The following BMPR2 variants were observed in gnomAD, a reference collection of about 807,000 sequenced individuals.
BMPR2 encodes the protein bone morphogenetic protein receptor type-2.
A neutral mutation model predicts 100.8 loss-of-function variants in BMPR2; 29 were observed. That is an observed-to-expected ratio of 0.29 (90% CI 0.21 to 0.39). BMPR2 has a LOEUF of 0.39. Ranked by LOEUF, BMPR2 falls within the 10% of genes least tolerant of loss-of-function variation. The pLI is 1.00. For missense variants in BMPR2, 1,011 were observed against 1,274.5 expected (o/e 0.79, Z 3.15); for synonymous variants, 382 against 442.3 (o/e 0.86, Z 1.71).
intron 5 of BMPR2, among the ~76,000 whole-genome samples, chr2:202,517,335 CTTTTT>C (rs527237940): frequency 7.4e-6 from 1 of 135,404 alleles, no homozygotes. Context: ...GTTATTTTAT[CTTTTT>C]TTTTTTTTTT....
chr2:202,538,183 G>T, intron 9 of BMPR2, among the ~76,000 whole-genome samples: 1 of 152,144 alleles, frequency 6.6e-6, no homozygotes, highest in East Asian at 1.9e-4. Context: ...GCCGGGCACG[G>T]TGGCTCAGGC....
chr2:202,477,423 T>G (rs1270644792), intron 3 of BMPR2, among the ~76,000 whole-genome samples: 1 of 152,156 alleles, frequency 6.6e-6, no homozygotes, highest in Non-Finnish European at 1.5e-5. Flanking sequence ...CTATGATATT[T>G]GTTGTTTCCT....
chr2:202,407,920 G>A (rs1315587832), intron 1 of BMPR2, among the ~76,000 whole-genome samples: 3 of 149,620 alleles, frequency 2.0e-5, no homozygotes, highest in African/African-American at 7.4e-5. Context: ...TGCAAGCTCC[G>A]CCTCCCAGGT....
chr2:202,550,481 G>T (rs186074046), intron 10 of BMPR2, among the ~76,000 whole-genome samples: 37 of 151,752 alleles, frequency 2.4e-4, no homozygotes, highest in African/African-American at 8.5e-4. Context: ...GCCTTCCAAA[G>T]TCCTGGGATT....
chr2:202,512,193 A>G (rs1054569360), intron 3 of BMPR2, among the ~76,000 whole-genome samples: 7 of 152,222 alleles, frequency 4.6e-5, no homozygotes, highest in African/African-American at 7.2e-5. Flanking sequence ...AGGAATGCCC[A>G]TTAGAGGAAC....
intron 7 of BMPR2, among the ~76,000 whole-genome samples, chr2:202,528,226 C>T (rs544766637): frequency 1.4e-4 from 21 of 152,290 alleles, no homozygotes; most frequent in Non-Finnish European, 2.2e-4. Flanking sequence ...CTCGCTCTGT[C>T]GCCCAGGCTG....
intron 1 of BMPR2, among the ~76,000 whole-genome samples, chr2:202,420,311 G>A (rs1691231010): frequency 1.3e-5 from 2 of 151,826 alleles, no homozygotes; most frequent in South Asian, 4.2e-4. Context: ...AATTAAACTT[G>A]AGAATATCCT....
chr2:202,498,288 C>CGGTAA (rs1287293660), intron 3 of BMPR2, among the ~76,000 whole-genome samples: 1 of 152,226 alleles, frequency 6.6e-6, no homozygotes, highest in Non-Finnish European at 1.5e-5. Context: ...AAGAATGCGT[C>CGGTAA]GGTAAGGACC....
chr2:202,425,120 G>T (rs10197863), intron 1 of BMPR2, among the ~76,000 whole-genome samples: 1 of 151,942 alleles, frequency 6.6e-6, no homozygotes, highest in Admixed American at 6.6e-5. Context: ...CACCATATTG[G>T]TCAGGCTAGT....
intron 3 of BMPR2, among the ~76,000 whole-genome samples, chr2:202,507,768 C>T (rs570639649): frequency 3.3e-5 from 5 of 151,020 alleles, no homozygotes; most frequent in East Asian, 2.0e-4. Context: ...GGCGCCATCT[C>T]GGCTCACTGC....
At chr2:202,538,461 A>AG (rs1351472328) in intron 9 of BMPR2, among the ~76,000 whole-genome samples, 1 of 151,608 alleles carries the variant, frequency 6.6e-6, no homozygotes, top group Non-Finnish European at 1.5e-5. Flanking sequence ...CATCTCTTAA[A>AG]GAAAAAAAAG....
At chr2:202,407,925 C>A (rs1437941599) in intron 1 of BMPR2, among the ~76,000 whole-genome samples, 1 of 151,290 alleles carries the variant, frequency 6.6e-6, no homozygotes, top group Non-Finnish European at 1.5e-5. Context: ...GCTCCGCCTC[C>A]CAGGTTCACT....
At chr2:202,380,087 C>T (rs765649701) in intron 1 of BMPR2, among the ~76,000 whole-genome samples, 3 of 151,690 alleles carry the variant, frequency 2.0e-5, no homozygotes, top group Non-Finnish European at 2.9e-5. Context: ...AGGGTGGTTT[C>T]GAACTCCTGA....
chr2:202,377,429 C>T lies in BMPR2; in HGVS notation c.-46C>T, dbSNP rs1048629816. On this transcript the variant is annotated 5_prime_UTR_variant, in exon 1 of 13. Transcript: ENST00000374580. ...CGGCTGTTTCTCCGCCGGTCTACTT[C>T]CCATATTTCTTTTCTTTGCCCTCCT... 3 of 1,588,546 alleles carry T rather than the reference C, an allele frequency of 1.9e-6. No homozygotes were observed. Among genetic ancestry groups the T allele is most frequent in the Middle Eastern group, 1.7e-4 (1 of 6,022 alleles).
rs141108448 is a variant in BMPR2 at position 202,419,143 on chromosome 2, A to T, written c.76+41593A>T. ...AGAGTTTAGTCCTCAGATGGCAAGA[A>T]TAGTAAGATTTCCCTCATATCTTTC... On this transcript the variant is annotated intron_variant, in intron 1 of 12. Transcript: ENST00000374580. 1.5e-3 allele frequency among the ~76,000 whole-genome samples: 224 copies of T among 152,310 alleles called. 1 individual carries two copies. The highest frequency in any genetic ancestry group is 5.0e-3 in the African/African-American group (208 of 41,568).
chr2:202,467,937 C>T (rs183628817), intron 3 of BMPR2, among the ~76,000 whole-genome samples: 135 of 152,038 alleles, frequency 8.9e-4, no homozygotes, highest in African/African-American at 3.1e-3. Context: ...AATCCCGCTA[C>T]TCAGGAGGCT....
chr2:202,459,267 G>A (rs749290769), intron 1 of BMPR2, among the ~76,000 whole-genome samples: 4 of 152,112 alleles, frequency 2.6e-5, no homozygotes, highest in Non-Finnish European at 5.9e-5. Context: ...TATCAATGTA[G>A]CTCCATACCT....
rs1036045650 is a variant in BMPR2, at chr2:202,541,422, G to A, written c.1277-889G>A. On this transcript the variant is annotated intron_variant, in intron 9 of 12. Transcript: ENST00000374580. The stretch of plus-strand genomic sequence containing the variant: ...CCATCCTGGGCAACAAAGTGAGAGC[G>A]TTTCTTTGAAAAAAAATTTTTTTAA... 6.0e-4 allele frequency among the ~76,000 whole-genome samples: 91 copies of A among 152,056 alleles called. 1 individual carries two copies. The highest frequency in any genetic ancestry group is 2.0e-3 in the African/African-American group (82 of 41,458).
rs1248927539 is a variant in BMPR2 at position 202,503,832 on chromosome 2, C to T, written c.419-9887C>T. Among the ~76,000 whole-genome samples the T allele has an allele frequency of 6.6e-6, 1 of 152,234 alleles. No individual in the cohort carries two copies. Among genetic ancestry groups the T allele is most frequent in the Non-Finnish European group, 1.5e-5 (1 of 68,040 alleles). On this transcript the variant is annotated intron_variant, in intron 3 of 12. Transcript: ENST00000374580. The surrounding 1 kb of genome is among the most constrained non-coding windows in gnomAD (Gnocchi z 4.0). ...TCCACTGGGTGAAGCCAGCTGGGCT[C>T]CTGAGTCTGGTGGGGACATGGAGAA...
Sources: allele counts gnomAD v4.1 joint callset (sites outside exome capture counted in the v4.1 genomes callset), GRCh38; gene constraint gnomAD v4.1.1; non-coding constraint Gnocchi (gnomAD v3.1); transcripts MANE v1.5; gene names NCBI Gene and HGNC (gene_info 2026-07-23, HGNC 2026-07-21).